Variants in KCNH8 observed in about 807,000 individuals in gnomAD.
The protein encoded by KCNH8 is voltage-gated delayed rectifier potassium channel KCNH8.
Under a neutral mutation model 103.6 loss-of-function variants are expected in KCNH8, and 70 were observed. The ratio of observed to expected loss-of-function variants is 0.68; its 90% confidence interval spans 0.56 to 0.82. The LOEUF is 0.82. Ranked by LOEUF, KCNH8 falls within the 40% of genes least tolerant of loss-of-function variation. KCNH8 has a pLI of 0.00. For missense variants in KCNH8, 1,217 were observed against 1,329.9 expected (o/e 0.92, Z 1.32); for synonymous variants, 498 against 489.4 (o/e 1.02, Z -0.23).
intron 1 of KCNH8, among the ~76,000 whole-genome samples, chr3:19,222,462 A>G (rs1224437916): frequency 6.6e-6 from 1 of 152,166 alleles, no homozygotes; most frequent in Admixed American, 6.5e-5. Context: ...AAGCATTTCT[A>G]CTTGAACTAG....
At chr3:19,197,780 AT>A (rs891471785) in intron 1 of KCNH8, among the ~76,000 whole-genome samples, 2 of 152,070 alleles carry the variant, frequency 1.3e-5, no homozygotes, top group African/African-American at 4.8e-5. Flanking sequence ...TCAAAGTTGT[AT>A]AAAATTTTAC....
Position 19,531,823 on chromosome 3 carries a change from TGAACTACCTC to T in KCNH8, c.2620-1571_2620-1562del, listed in dbSNP as rs777186866. 4.9e-3 allele frequency among the ~76,000 whole-genome samples: 740 copies of T among 152,334 alleles called. 3 individuals are homozygous for T. Among genetic ancestry groups the T allele is most frequent in the Non-Finnish European group, 7.7e-3 (527 of 68,030 alleles). On this transcript the variant is annotated intron_variant, in intron 15 of 15. Coordinates refer to ENST00000328405, the MANE Select transcript of KCNH8 (RefSeq NM_144633.3). ...GAATGAATCTTCAGTTCAATGAAGTTGAACTACCTCTTTTTGTTTCCTGATTATATTTAGC... is the reference window on the plus strand; with the variant it reads ...GAATGAATCTTCAGTTCAATGAAGTTTTTTTGTTTCCTGATTATATTTAGC...
chr3:19,214,918 G>T (rs1422985459), intron 1 of KCNH8, among the ~76,000 whole-genome samples: 3 of 152,206 alleles, frequency 2.0e-5, no homozygotes, highest in African/African-American at 7.2e-5. Flanking sequence ...CCTGGAGAAA[G>T]GTCTGCCATT....
intron 3 of KCNH8, chr3:19,314,852 T>G (rs370353439): frequency 3.8e-4 from 59 of 154,360 alleles, no homozygotes; most frequent in African/African-American, 1.4e-3. Context: ...CTTTTCTAAT[T>G]ACTGGACATT....
At chr3:19,347,531 G>T (rs936813474) in intron 4 of KCNH8, among the ~76,000 whole-genome samples, 194 bp from the exon 5 acceptor site, 1 of 151,982 alleles carries the variant, frequency 6.6e-6, no homozygotes, top group Non-Finnish European at 1.5e-5. Context: ...GCATATTCCT[G>T]TTCCTTATAA....
At chr3:19,448,970 GCTGGTTTAGAAACCATTTCGGTTTCATT>G (rs1268745606) in intron 8 of KCNH8, 1 of 1,285,848 alleles carries the variant, frequency 7.8e-7, no homozygotes, top group Non-Finnish European at 1.0e-6. Context: ...TGGATTATCT[GCTGGTTTAGAAACCATTTCGGTTTCATT>G]CTGCTAATGA....
At chr3:19,316,069 T>A (rs1349807289) in intron 3 of KCNH8, among the ~76,000 whole-genome samples, 4 of 152,076 alleles carry the variant, frequency 2.6e-5, no homozygotes, top group African/African-American at 9.7e-5. Context: ...TAATTTCAAG[T>A]CATTTCATTA....
At chr3:19,441,716 T>C (rs1338088695) in intron 8 of KCNH8, among the ~76,000 whole-genome samples, 1 of 152,186 alleles carries the variant, frequency 6.6e-6, no homozygotes, top group Non-Finnish European at 1.5e-5. Context: ...CCCCACAATA[T>C]TCCCCTCAAA....
intron 1 of KCNH8, among the ~76,000 whole-genome samples, chr3:19,171,846 A>G (rs942767882): frequency 3.3e-5 from 5 of 152,124 alleles, no homozygotes; most frequent in Admixed American, 6.5e-5. Flanking sequence ...CAATTTTACT[A>G]TGTTGGTGTT....
intron 7 of KCNH8, among the ~76,000 whole-genome samples, chr3:19,398,853 A>G (rs2066565117): frequency 1.3e-5 from 2 of 152,182 alleles, no homozygotes; most frequent in East Asian, 1.9e-4. Context: ...AACTATGACT[A>G]GTGAATACTT....
intron 1 of KCNH8, among the ~76,000 whole-genome samples, chr3:19,160,202 C>A (rs1179232351): frequency 1.3e-5 from 2 of 152,002 alleles, no homozygotes; most frequent in Non-Finnish European, 2.9e-5. Flanking sequence ...AAACCAGTAA[C>A]CGATTTAAGA....
At chr3:19,409,500 C>T (rs755059547) in intron 7 of KCNH8, among the ~76,000 whole-genome samples, 3 of 152,066 alleles carry the variant, frequency 2.0e-5, no homozygotes, top group Non-Finnish European at 2.9e-5. Context: ...ATGATAAGAT[C>T]AAAACCTCTC....
intron 1 of KCNH8, among the ~76,000 whole-genome samples, chr3:19,219,777 C>T (rs563231175): frequency 6.6e-6 from 1 of 152,260 alleles, no homozygotes; most frequent in Admixed American, 6.5e-5. Context: ...AGAGAGGCCT[C>T]ATCTGACTTG....
At chr3:19,507,370 T>C (rs6778118) in intron 11 of KCNH8, among the ~76,000 whole-genome samples, 133 of 152,274 alleles carry the variant, frequency 8.7e-4, no homozygotes, top group African/African-American at 3.1e-3. Flanking sequence ...ATGAGGAGGC[T>C]GATCTGTGGT....
At chr3:19,377,960 AATTT>A in intron 5 of KCNH8, among the ~76,000 whole-genome samples, 1 of 152,218 alleles carries the variant, frequency 6.6e-6, no homozygotes, top group Non-Finnish European at 1.5e-5. Flanking sequence ...GGGATATGAA[AATTT>A]ATTTCTCTTT....
chr3:19,282,609 T>C (rs1204449059), intron 3 of KCNH8, among the ~76,000 whole-genome samples: 1 of 152,116 alleles, frequency 6.6e-6, no homozygotes, highest in African/African-American at 2.4e-5. Flanking sequence ...AAGAAGGCAG[T>C]TTGATTAACC....
In KCNH8 at chr3:19,468,634, T is replaced by C. The variant is rs536626488; in HGVS notation, c.2040+11652T>C. On this transcript the variant is annotated intron_variant, in intron 11 of 15. Coordinates refer to ENST00000328405, the MANE Select transcript of KCNH8 (RefSeq NM_144633.3). ...TAATATTTCTCCAGGTGGTTTGATA[T>C]AGTAAGTAGGGTTAAAATAAAAGAT... Among the ~76,000 whole-genome samples the C allele has an allele frequency of 4.6e-5, 7 of 152,330 alleles. No individual in the cohort carries two copies. In the East Asian group the frequency reaches 1.3e-3, roughly 29 times the overall value.
At chr3:19,244,992 T>C (rs1442652737) in intron 1 of KCNH8, among the ~76,000 whole-genome samples, 1 of 152,224 alleles carries the variant, frequency 6.6e-6, no homozygotes, top group African/African-American at 2.4e-5. Context: ...TTTATTTTTG[T>C]TGTAATTCCT....
intron 3 of KCNH8, among the ~76,000 whole-genome samples, chr3:19,317,910 T>G (rs1321014083): frequency 1.3e-5 from 2 of 151,932 alleles, no homozygotes; most frequent in Non-Finnish European, 2.9e-5. Flanking sequence ...CCTTGAAAAC[T>G]GGCACAAGAC....
Sources: gnomAD v4.1 joint callset for allele counts (sites outside exome capture counted in the v4.1 genomes callset) on GRCh38, gnomAD v4.1.1 for gene constraint, MANE v1.5 for transcripts, NCBI Gene and HGNC (gene_info 2026-07-23, HGNC 2026-07-21) for gene names.